The following TMCO6 variants were observed in gnomAD, a reference collection of about 807,000 sequenced individuals.
The protein encoded by TMCO6 is transmembrane and coiled-coil domain-containing protein 6.
TMCO6 carries 47 observed loss-of-function variants against 61.8 expected under a neutral mutation model. That is an observed-to-expected ratio of 0.76 (90% CI 0.60 to 0.97). The LOEUF (loss-of-function observed/expected upper bound fraction) is 0.97. Ranked by LOEUF, TMCO6 falls within the 50% of genes least tolerant of loss-of-function variation. The probability of loss-of-function intolerance (pLI) is 0.00; values close to 1 mark genes in which losing one functional copy is unlikely to be tolerated. For missense variants in TMCO6, 557 were observed against 601.6 expected, an observed-to-expected ratio of 0.93 and a Z score of 0.78; for synonymous variants, 261 against 254.2, an observed-to-expected ratio of 1.03 and a Z score of -0.25.
the TMCO6 span, among the ~76,000 whole-genome samples, chr5:140,627,993 T>A: frequency 6.6e-6 from 1 of 151,322 alleles, no homozygotes; most frequent in African/African-American, 2.4e-5. Context: ...AGGATTGATA[T>A]GTATACAGGT....
the TMCO6 span, among the ~76,000 whole-genome samples, chr5:140,631,005 A>G: frequency 6.6e-6 from 1 of 152,224 alleles, no homozygotes; most frequent in Non-Finnish European, 1.5e-5. Flanking sequence ...AATGTGGACT[A>G]GAGGACAAAT....
chr5:140,644,141 C>G lies in TMCO6; in HGVS notation c.1147C>G (p.Leu383Val), dbSNP rs1757232959. Residue 383 changes from leucine (L) to valine (V), a missense_variant, in exon 10 of 12, where the codon CTG becomes GTG. Coordinates refer to ENST00000394671, the MANE Select transcript of TMCO6 (RefSeq NM_018502.5). Reference sequence around the variant, plus strand: ...CTGTACCTCCTTGCTCTCCCTGGATCTGATTGAGCCTCTCTTACAGCTGTT... The same window carrying G: ...CTGTACCTCCTTGCTCTCCCTGGATGTGATTGAGCCTCTCTTACAGCTGTT... ...SFCTSLLSLD[L>V]IEPLLQLLPV... is the part of the protein sequence containing the mutation. 3 of 1,614,100 alleles carry G rather than the reference C, an allele frequency of 1.9e-6. No homozygotes were observed. Among genetic ancestry groups the G allele is most frequent in the Admixed American group, 1.7e-5 (1 of 60,004 alleles).
Position 140,639,688 on chromosome 5 carries a change from T to C in TMCO6, c.86-51T>C, listed in dbSNP as rs1473353016. On this transcript the variant is annotated intron_variant, in intron 1 of 11. Coordinates refer to ENST00000394671, the MANE Select transcript of TMCO6 (RefSeq NM_018502.5). ...GAGACCCCAGGCTCGGAGCCGCGGG[T>C]TCTGGGTTGTGGTCGTCCTTCCCAC... 3 of 1,551,266 alleles carry C rather than the reference T, an allele frequency of 1.9e-6. No individual in the cohort carries two copies. The Admixed American group carries it at 5.9e-5, about 30-fold the overall frequency.
At position 140,645,149 on chromosome 5, in the gene TMCO6, T is replaced by C. The variant is rs942678879; in HGVS notation, c.*51T>C. The C allele has an allele frequency of 1.3e-6, 2 of 1,568,248 alleles. No individual in the cohort carries two copies. The highest frequency in any genetic ancestry group is 1.8e-6 in the Non-Finnish European group (2 of 1,139,862). ...CCCTCTCTCTTAACATCAAGCTTGT[T>C]TGTCCAGTAGAGCCTTTGGAGATTT... On this transcript the variant is annotated 3_prime_UTR_variant, in exon 12 of 12. Transcript: ENST00000394671.
chr5:140,601,751 G>A, the TMCO6 span, among the ~76,000 whole-genome samples: 21,428 of 152,070 alleles, frequency 0.14, 1,606 homozygotes, highest in Middle Eastern at 0.2. Context: ...GATTTCAGGC[G>A]TCACCATACC....
At chr5:140,645,710 T>C, downstream of TMCO6, 2 of 1,614,164 alleles carry the variant, frequency 1.2e-6, no homozygotes, top group African/African-American at 2.7e-5. Flanking sequence ...TCTTTAACTA[T>C]TCTGCACCCT....
chr5:140,641,204 G>C (rs1405843034), intron 2 of TMCO6: 1 of 156,932 alleles, frequency 6.4e-6, no homozygotes, highest in African/African-American at 2.4e-5. Flanking sequence ...CCTGAAGAGA[G>C]TGGGAAGCTG....
rs1462592032 is a variant in TMCO6 at position 140,644,117 on chromosome 5, T to G, written c.1123T>G (p.Cys375Gly). 6.2e-7 allele frequency: 1 copy of G among 1,614,238 alleles called. No homozygotes were observed. The highest frequency in any genetic ancestry group is 1.7e-5 in the Admixed American group (1 of 60,028). The change falls in exon 10 of 12, where the codon TGT becomes GGT. Residue 375 changes from cysteine to glycine, a missense_variant. By Grantham distance (159) the Cys-to-Gly change is radical. Coordinates refer to ENST00000394671, the MANE Select transcript of TMCO6 (RefSeq NM_018502.5). ...TCTTCCAGCAAACAGTCCTAGTTTCTGTACCTCCTTGCTCTCCCTGGATCT... is the reference window on the plus strand; with the variant it reads ...TCTTCCAGCAAACAGTCCTAGTTTCGGTACCTCCTTGCTCTCCCTGGATCT... ...NNLTANSPSFCTSLLSLDLIE... is the reference protein window; with the variant it reads ...NNLTANSPSFGTSLLSLDLIE...
At chr5:140,609,895 G>A in the TMCO6 span, among the ~76,000 whole-genome samples, 3 of 151,270 alleles carry the variant, frequency 2.0e-5, no homozygotes, top group South Asian at 4.2e-4. Flanking sequence ...CTTTTTTTGA[G>A]ACAGAGTCTC....
chr5:140,624,630 A>T, the TMCO6 span, among the ~76,000 whole-genome samples: 1 of 151,598 alleles, frequency 6.6e-6, no homozygotes, highest in Non-Finnish European at 1.5e-5. Flanking sequence ...GGCTCGCTGC[A>T]CCTCTGCCTC....
rs1274216244 is a variant in TMCO6 at position 140,644,686 on chromosome 5, A to T, written c.1314A>T (p.Glu438Asp). 1 of 1,614,232 alleles carries T rather than the reference A, an allele frequency of 6.2e-7. No individual in the cohort carries two copies. The highest frequency in any genetic ancestry group is 2.2e-5 in the East Asian group (1 of 44,890). ...ACACACTAGCCTTTTCTGACACTGA[A>T]GTAGTAGGCCAGAGTTTGGAGCTGC... is the stretch of plus-strand genomic sequence containing the variant. ...LLHTLAFSDT[E>D]VVGQSLELLH... Residue 438 changes from glutamate to aspartate, a missense_variant, in exon 11 of 12, where the codon GAA becomes GAT. Coordinates refer to ENST00000394671, the MANE Select transcript of TMCO6 (RefSeq NM_018502.5).
chr5:140,625,396 A>G, the TMCO6 span, among the ~76,000 whole-genome samples: 1 of 152,244 alleles, frequency 6.6e-6, no homozygotes, highest in South Asian at 2.1e-4. Flanking sequence ...TATCATTGCC[A>G]ATGTCTTCCA....
Position 140,644,711 on chromosome 5 carries a change from C to T in TMCO6, c.1339C>T (p.Leu447=). 6.2e-7 allele frequency: 1 copy of T among 1,614,254 alleles called. No individual in the cohort carries two copies. Among genetic ancestry groups the T allele is most frequent in the South Asian group, 1.1e-5 (1 of 91,090 alleles). Residue 447 remains leucine, a synonymous_variant, in exon 11 of 12, where the codon CTG becomes TTG. Coordinates refer to ENST00000394671, the MANE Select transcript of TMCO6 (RefSeq NM_018502.5). ...AGTAGTAGGCCAGAGTTTGGAGCTG[C>T]TGCATCTGCTGTTCCTGTATCAGCC... The part of the protein sequence containing the change: ...TEVVGQSLEL[L]HLLFLYQPEA...
the TMCO6 span, chr5:140,631,932 G>A: frequency 6.2e-7 from 1 of 1,612,502 alleles, no homozygotes; most frequent in Non-Finnish European, 8.5e-7. Flanking sequence ...ACGTGCACAG[G>A]CTGGGACCAC....
At chr5:140,597,508 T>TCC in the TMCO6 span, among the ~76,000 whole-genome samples, 1 of 152,240 alleles carries the variant, frequency 6.6e-6, no homozygotes, top group Non-Finnish European at 1.5e-5. Flanking sequence ...AACCATATCA[T>TCC]CCCTTGCTCT....
chr5:140,647,694 T>C, downstream of TMCO6: 1 of 1,431,224 alleles, frequency 7.0e-7, no homozygotes, highest in Non-Finnish European at 9.6e-7. Context: ...AGGGGCGGGG[T>C]AAAGCTTGGC....
At chr5:140,615,890 T>A in the TMCO6 span, among the ~76,000 whole-genome samples, 4,684 of 152,298 alleles carry the variant, frequency 0.031, 143 homozygotes, top group South Asian at 0.15. Flanking sequence ...CCCAGCTCTT[T>A]GGGAGGCCAA....
chr5:140,620,625 G>T, the TMCO6 span, among the ~76,000 whole-genome samples: 4 of 152,188 alleles, frequency 2.6e-5, no homozygotes, highest in African/African-American at 9.7e-5. Context: ...GCATGTGTCA[G>T]ACCCAGGGGT....
chr5:140,605,447 A>C, the TMCO6 span, among the ~76,000 whole-genome samples: 1 of 152,106 alleles, frequency 6.6e-6, no homozygotes, highest in South Asian at 2.1e-4. Flanking sequence ...TGGGAGGCTG[A>C]GGCGGGTGCA....
Sources: allele counts gnomAD v4.1 joint callset (sites outside exome capture counted in the v4.1 genomes callset), GRCh38; gene constraint gnomAD v4.1.1; transcripts MANE v1.5; gene names NCBI Gene and HGNC (gene_info 2026-07-23, HGNC 2026-07-21).